The following SRD5A2 variants were observed in gnomAD, a reference collection of about 807,000 sequenced individuals.
SRD5A2 encodes 3-oxo-5-alpha-steroid 4-dehydrogenase 2.
Under a neutral mutation model 27.4 loss-of-function variants are expected in SRD5A2, and 30 were observed. The ratio of observed to expected loss-of-function variants is 1.10; its 90% CI spans 0.82 to 1.49. SRD5A2 has a LOEUF of 1.49. Ranked by LOEUF, SRD5A2 falls within the 40% of genes most tolerant of loss-of-function variation. SRD5A2 has a pLI of 0.00. For synonymous variants in SRD5A2, 141 were observed against 133.6 expected, an observed-to-expected ratio of 1.06 and a Z score of -0.38; for missense variants, 348 against 323.4, an observed-to-expected ratio of 1.08 and a Z score of -0.58.
chr2:31,531,511 T>C lies in SRD5A2; in HGVS notation c.446-39A>G. Reference sequence around the variant, plus strand: ...AGAGAAAGGAGAAATTTTTTTTAAATGTGTCCAGATTGTGGTGCTTTTTTC... The same window carrying C: ...AGAGAAAGGAGAAATTTTTTTTAAACGTGTCCAGATTGTGGTGCTTTTTTC... On this transcript the variant is annotated intron_variant, in intron 2 of 4. Transcript: ENST00000622030. 2.3e-6 allele frequency: 3 copies of C among 1,326,016 alleles called. No individual in the cohort carries two copies. The South Asian group carries it at 3.9e-5, about 17-fold the overall frequency. The allele number at this position is 1,326,016 out of a possible 1,614,324, so 82.1% of individuals were successfully genotyped here. A position where few individuals can be genotyped will look rare whatever the true frequency, so the allele number is the denominator to read the frequency against.
intron 1 of SRD5A2, among the ~76,000 whole-genome samples, chr2:31,544,287 G>A (rs969153023): frequency 6.6e-6 from 1 of 151,602 alleles, no homozygotes; most frequent in African/African-American, 2.4e-5. Context: ...TAACTAGACA[G>A]AATATAAGTA....
intron 1 of SRD5A2, among the ~76,000 whole-genome samples, chr2:31,547,267 G>T (rs1666281639): frequency 6.6e-6 from 1 of 152,142 alleles, no homozygotes; most frequent in Non-Finnish European, 1.5e-5. Flanking sequence ...CTGGATTAAG[G>T]GATACCCAGC....
chr2:31,601,280 A>G, the SRD5A2 span, among the ~76,000 whole-genome samples: 1 of 152,132 alleles, frequency 6.6e-6, no homozygotes, highest in South Asian at 2.1e-4. Flanking sequence ...ATCAGAGAAT[A>G]CTATAAACAT....
chr2:31,655,044 G>C, the SRD5A2 span, among the ~76,000 whole-genome samples: 1 of 152,250 alleles, frequency 6.6e-6, no homozygotes, highest in Admixed American at 6.5e-5. Flanking sequence ...TCATAATAAA[G>C]TTGAAACAGA....
At chr2:31,579,472 T>C (rs901853924) in intron 1 of SRD5A2, among the ~76,000 whole-genome samples, 1 of 152,244 alleles carries the variant, frequency 6.6e-6, no homozygotes. Flanking sequence ...TTTCGTTTGA[T>C]AACTTTTCTC....
chr2:31,589,560 G>A, the SRD5A2 span, among the ~76,000 whole-genome samples: 3 of 152,320 alleles, frequency 2.0e-5, no homozygotes, highest in African/African-American at 7.2e-5. Flanking sequence ...TCTCTAGGGA[G>A]GGCTGGAGGC....
intron 1 of SRD5A2, among the ~76,000 whole-genome samples, chr2:31,559,995 G>A (rs921594810): frequency 6.7e-6 from 1 of 149,702 alleles, no homozygotes; most frequent in Non-Finnish European, 1.5e-5. Context: ...GGTACCTATA[G>A]AACTTTATCA....
At chr2:31,564,758 G>C (rs28745285) in intron 1 of SRD5A2, among the ~76,000 whole-genome samples, 29 of 152,042 alleles carry the variant, frequency 1.9e-4, no homozygotes, top group African/African-American at 6.5e-4. Context: ...AGTAATGAAA[G>C]AAAGCAGCTG....
chr2:31,595,460 T>C, the SRD5A2 span, among the ~76,000 whole-genome samples: 4 of 152,096 alleles, frequency 2.6e-5, no homozygotes, highest in Non-Finnish European at 4.4e-5. Context: ...CCTAAGGGGA[T>C]GGATAAATTT....
chr2:31,528,664 G>A (rs1665833051), intron 4 of SRD5A2, among the ~76,000 whole-genome samples: 1 of 152,172 alleles, frequency 6.6e-6, no homozygotes, highest in Non-Finnish European at 1.5e-5. Context: ...CATTTGGAAG[G>A]CTGAGGTGGG....
chr2:31,553,720 G>T (rs1479558348), intron 1 of SRD5A2, among the ~76,000 whole-genome samples: 2 of 152,190 alleles, frequency 1.3e-5, no homozygotes, highest in East Asian at 3.8e-4. Context: ...TATTTGAGGA[G>T]TTTGGACAAA....
At chr2:31,642,462 G>C in the SRD5A2 span, among the ~76,000 whole-genome samples, 1 of 151,794 alleles carries the variant, frequency 6.6e-6, no homozygotes, top group Non-Finnish European at 1.5e-5. Flanking sequence ...AAAGAAGATA[G>C]AAAAATAGCT....
chr2:31,548,360 C>T (rs1293640755), intron 1 of SRD5A2, among the ~76,000 whole-genome samples: 1 of 152,090 alleles, frequency 6.6e-6, no homozygotes, highest in Middle Eastern at 3.2e-3. Flanking sequence ...AAGAGATTGA[C>T]ATCCAGAATA....
chr2:31,564,650 G>T (rs1046113459), intron 1 of SRD5A2, among the ~76,000 whole-genome samples: 1 of 151,878 alleles, frequency 6.6e-6, no homozygotes, highest in Non-Finnish European at 1.5e-5. Flanking sequence ...AGTAGGCAAA[G>T]ATAAGAAGAT....
At chr2:31,617,258 G>A in the SRD5A2 span, among the ~76,000 whole-genome samples, 19 of 151,978 alleles carry the variant, frequency 1.3e-4, no homozygotes, top group Admixed American at 3.3e-4. Context: ...TGAGCTGTAC[G>A]TTGACCCCTT....
At chr2:31,538,654 C>G (rs1666072464) in intron 1 of SRD5A2, among the ~76,000 whole-genome samples, 1 of 152,340 alleles carries the variant, frequency 6.6e-6, no homozygotes, top group Admixed American at 6.5e-5. Flanking sequence ...CATCTCTGCT[C>G]TCTTCTACCA....
chr2:31,529,156 C>G, intron 4 of SRD5A2, 151 bp downstream of exon 4: 1 of 1,149,832 alleles, frequency 8.7e-7, no homozygotes. Flanking sequence ...ACAAGCCCAG[C>G]AAGTCAGAAT....
chr2:31,548,710 A>G (rs1666314595), intron 1 of SRD5A2, among the ~76,000 whole-genome samples: 1 of 152,218 alleles, frequency 6.6e-6, no homozygotes, highest in Admixed American at 6.5e-5. Flanking sequence ...GAATTACTAC[A>G]TGACATAGCA....
chr2:31,584,197 T>C (rs1469190571), upstream of SRD5A2, among the ~76,000 whole-genome samples: 2 of 152,158 alleles, frequency 1.3e-5, no homozygotes, highest in Admixed American at 1.3e-4. Flanking sequence ...AGGAAACAGC[T>C]AGCTGGGAGA....
Sources: gnomAD v4.1 joint callset for allele counts (sites outside exome capture counted in the v4.1 genomes callset) on GRCh38, gnomAD v4.1.1 for gene constraint, MANE v1.5 for transcripts, NCBI Gene and HGNC (gene_info 2026-07-23, HGNC 2026-07-21) for gene names.